SCHIP1: variants seen among roughly 807,000 people sequenced by gnomAD.
SCHIP1 encodes the protein schwannomin interacting protein 1.
A neutral mutation model predicts 29.7 loss-of-function variants in SCHIP1; 8 were observed. The ratio of observed to expected loss-of-function variants is 0.27; its 90% confidence interval spans 0.16 to 0.49. The LOEUF (loss-of-function observed/expected upper bound fraction) is 0.49. Ranked by LOEUF, SCHIP1 falls within the 20% of genes least tolerant of loss-of-function variation. The pLI is 0.99. For missense variants in SCHIP1, 193 were observed against 294.6 expected (o/e 0.66, Z 2.52); for synonymous variants, 76 against 94.9 (o/e 0.80, Z 1.16).
the SCHIP1 span, among the ~76,000 whole-genome samples, chr3:159,694,384 G>T: frequency 6.6e-5 from 10 of 152,190 alleles, no homozygotes; most frequent in Non-Finnish European, 1.2e-4. Flanking sequence ...GCTGGGCATG[G>T]TGGCGGGTGC....
chr3:159,435,610 T>G, the SCHIP1 span, among the ~76,000 whole-genome samples: 1 of 152,188 alleles, frequency 6.6e-6, no homozygotes, highest in African/African-American at 2.4e-5. Flanking sequence ...CCTCACAATT[T>G]CAAGGTTCAT....
At chr3:159,501,589 A>G in the SCHIP1 span, among the ~76,000 whole-genome samples, 1 of 152,208 alleles carries the variant, frequency 6.6e-6, no homozygotes, top group Non-Finnish European at 1.5e-5. Flanking sequence ...AATCCCATAT[A>G]CTACTCACCA....
the SCHIP1 span, among the ~76,000 whole-genome samples, chr3:159,612,968 C>T: frequency 6.6e-6 from 1 of 152,230 alleles, no homozygotes; most frequent in Non-Finnish European, 1.5e-5. Context: ...AATTCTTTAA[C>T]AATTTTTAAA....
chr3:159,855,881 G>A (rs1041978132), intron 1 of SCHIP1, among the ~76,000 whole-genome samples: 1 of 152,158 alleles, frequency 6.6e-6, no homozygotes, highest in African/African-American at 2.4e-5. Flanking sequence ...ACTAAAATTA[G>A]ATTCCACCGA....
At chr3:159,626,179 TCTAGATAGATAGATAG>T in the SCHIP1 span, among the ~76,000 whole-genome samples, 51 of 106,930 alleles carry the variant, frequency 4.8e-4, 2 homozygotes, top group African/African-American at 2.2e-3. Context: ...TATCTATCTA[TCTAGATAGATAGATAG>T]ATAGATAGAT....
At chr3:159,291,888 A>G in the SCHIP1 span, among the ~76,000 whole-genome samples, 1 of 152,168 alleles carries the variant, frequency 6.6e-6, no homozygotes, top group African/African-American at 2.4e-5. Flanking sequence ...AAATAAAATT[A>G]TTTTAAAAAA....
chr3:159,893,146 T>A (rs1021394874), intron 6 of SCHIP1: 1 of 152,240 alleles, frequency 6.6e-6, no homozygotes, highest in Non-Finnish European at 1.5e-5. Flanking sequence ...AAAATAATTG[T>A]CTAATGCTGC....
the SCHIP1 span, among the ~76,000 whole-genome samples, chr3:159,657,939 T>G: frequency 6.6e-6 from 1 of 152,200 alleles, no homozygotes; most frequent in Non-Finnish European, 1.5e-5. Flanking sequence ...ACCAAAGGCG[T>G]TTTTGCTTCC....
the SCHIP1 span, among the ~76,000 whole-genome samples, chr3:159,664,127 G>A: frequency 2.0e-5 from 3 of 152,148 alleles, no homozygotes; most frequent in Non-Finnish European, 2.9e-5. Context: ...ATTAACTGAC[G>A]AGGAAAACTT....
chr3:159,353,712 T>C, the SCHIP1 span, among the ~76,000 whole-genome samples: 1 of 152,176 alleles, frequency 6.6e-6, no homozygotes, highest in African/African-American at 2.4e-5. Flanking sequence ...TAAAAAGAGC[T>C]TAAGTACAGG....
the SCHIP1 span, among the ~76,000 whole-genome samples, chr3:159,806,203 A>G: frequency 7.1e-6 from 1 of 141,040 alleles, no homozygotes; most frequent in African/African-American, 2.5e-5. Context: ...CCAAATACAC[A>G]TCTAAGCAGC....
the SCHIP1 span, chr3:159,721,731 GT>G: frequency 2.3e-6 from 1 of 433,230 alleles, no homozygotes. Flanking sequence ...TCACAGCCAT[GT>G]TGGTAGGCAC....
At chr3:159,595,375 C>A in the SCHIP1 span, among the ~76,000 whole-genome samples, 2 of 151,834 alleles carry the variant, frequency 1.3e-5, no homozygotes, top group African/African-American at 4.8e-5. Context: ...CAGCAGCAGC[C>A]AGGGAAGGGA....
At chr3:159,773,582 C>T in the SCHIP1 span, among the ~76,000 whole-genome samples, 1 of 151,984 alleles carries the variant, frequency 6.6e-6, no homozygotes, top group Non-Finnish European at 1.5e-5. Flanking sequence ...GAGTACAGAT[C>T]CAGTTTCATA....
the SCHIP1 span, among the ~76,000 whole-genome samples, chr3:159,776,443 T>C: frequency 6.6e-6 from 1 of 152,054 alleles, no homozygotes; most frequent in Non-Finnish European, 1.5e-5. Flanking sequence ...GTCCTTTTTG[T>C]TTCCACTCTA....
the SCHIP1 span, among the ~76,000 whole-genome samples, chr3:159,706,406 G>A: frequency 5.9e-3 from 895 of 152,274 alleles, 13 homozygotes; most frequent in African/African-American, 0.02. Context: ...ACTGGGCAGC[G>A]ATCAAACTAC....
At chr3:159,653,703 A>G in the SCHIP1 span, among the ~76,000 whole-genome samples, 1 of 150,972 alleles carries the variant, frequency 6.6e-6, no homozygotes, top group Non-Finnish European at 1.5e-5. Context: ...ATGTATACCT[A>G]TGTAACAAAC....
chr3:159,626,255 G>T, the SCHIP1 span, among the ~76,000 whole-genome samples: 34 of 63,642 alleles, frequency 5.3e-4, no homozygotes, highest in East Asian at 1.1e-3. Context: ...TATCTATATA[G>T]ATAGATAGAT....
At chr3:159,626,928 A>G in the SCHIP1 span, among the ~76,000 whole-genome samples, 5 of 152,174 alleles carry the variant, frequency 3.3e-5, no homozygotes, top group Admixed American at 6.5e-5. Context: ...GGTTTTTTAC[A>G]TAGCTATACA....
Sources: allele counts gnomAD v4.1 joint callset (sites outside exome capture counted in the v4.1 genomes callset), GRCh38; gene constraint gnomAD v4.1.1; transcripts MANE v1.5; gene names NCBI Gene and HGNC (gene_info 2026-07-23, HGNC 2026-07-21).